LRRC4C: variants seen among roughly 807,000 people sequenced by gnomAD.
The protein encoded by LRRC4C is leucine rich repeat containing 4C.
Under a neutral mutation model 33.6 loss-of-function variants are expected in LRRC4C, and 5 were observed. The ratio of observed to expected loss-of-function variants is 0.15; its 90% CI spans 0.08 to 0.31. The LOEUF is 0.31. Among genes scored for constraint, LRRC4C ranks in the 10% least tolerant of loss-of-function variants. The probability of loss-of-function intolerance (pLI) is 1.00; values close to 1 mark genes in which losing one functional copy is unlikely to be tolerated. For synonymous variants in LRRC4C, 329 were observed against 302.0 expected (o/e 1.09, Z -0.93); for missense variants, 560 against 796.7 (o/e 0.70, Z 3.58).
chr11:40,881,062 A>C (rs769695753), intron 2 of LRRC4C, among the ~76,000 whole-genome samples: 5 of 151,942 alleles, frequency 3.3e-5, no homozygotes, highest in African/African-American at 1.2e-4. Flanking sequence ...AGTTACATAG[A>C]TTAAAAAAAA....
intron 3 of LRRC4C, among the ~76,000 whole-genome samples, chr11:40,504,325 C>T (rs1052253899): frequency 2.0e-5 from 3 of 152,142 alleles, no homozygotes; most frequent in African/African-American, 7.2e-5. Context: ...CAACAGAGAG[C>T]CACTGGAGGG....
intron 2 of LRRC4C, among the ~76,000 whole-genome samples, chr11:40,878,948 G>T (rs985836085): frequency 6.6e-6 from 1 of 152,144 alleles, no homozygotes; most frequent in Non-Finnish European, 1.5e-5. Context: ...CCCATGTCTG[G>T]CTGTGAGCCT....
At chr11:41,404,885 G>A (rs116437958) in intron 1 of LRRC4C, among the ~76,000 whole-genome samples, 4 of 151,936 alleles carry the variant, frequency 2.6e-5, no homozygotes, top group Non-Finnish European at 4.4e-5. Flanking sequence ...ATATGAGGAG[G>A]ACATTCTTAT....
chr11:40,919,412 C>T (rs1395722283), intron 2 of LRRC4C, among the ~76,000 whole-genome samples: 4 of 152,076 alleles, frequency 2.6e-5, no homozygotes, highest in Non-Finnish European at 5.9e-5. Flanking sequence ...TAACTCATAG[C>T]GTTATCTAAA....
At chr11:41,281,042 TTCTCTCTCTC>T (rs71063910) in intron 1 of LRRC4C, among the ~76,000 whole-genome samples, 1 of 76,194 alleles carries the variant, frequency 1.3e-5, no homozygotes, top group Non-Finnish European at 2.3e-5. Context: ...AATACATATT[TTCTCTCTCTC>T]TCTCTCTCTC....
At chr11:40,418,101 G>A (rs1474225195) in intron 3 of LRRC4C, among the ~76,000 whole-genome samples, 1 of 152,166 alleles carries the variant, frequency 6.6e-6, no homozygotes, top group African/African-American at 2.4e-5. Flanking sequence ...ACCAGTCCTT[G>A]TTGACACAGA....
In LRRC4C at chr11:40,175,342, C is replaced by A. The variant is rs566554826; in HGVS notation, c.-95-34489G>T. Reference sequence around the variant, plus strand: ...GTGAGCATTTGCTTTGCTGCCTTAACTCAACATCCAGGCTTCCCAGTGAAC... The same window carrying A: ...GTGAGCATTTGCTTTGCTGCCTTAAATCAACATCCAGGCTTCCCAGTGAAC... On this transcript the variant is annotated intron_variant, in intron 5 of 6. Coordinates refer to ENST00000528697, the MANE Select transcript of LRRC4C (RefSeq NM_001258419.2). Among the ~76,000 whole-genome samples, 7 of 152,348 alleles carry A rather than the reference C, an allele frequency of 4.6e-5. No homozygotes were observed. In the East Asian group the frequency reaches 1.4e-3, roughly 29 times the overall value.
chr11:41,272,320 C>T (rs1170543678), intron 1 of LRRC4C, among the ~76,000 whole-genome samples: 2 of 152,028 alleles, frequency 1.3e-5, no homozygotes, highest in Non-Finnish European at 2.9e-5. Context: ...TTGCTTTTCA[C>T]TTGGGTAAAT....
chr11:40,770,534 T>C (rs1787382467), intron 2 of LRRC4C, among the ~76,000 whole-genome samples: 1 of 152,190 alleles, frequency 6.6e-6, no homozygotes, highest in Admixed American at 6.5e-5. Context: ...AACACAATTA[T>C]ACCTTCCCAA....
At chr11:41,426,118 C>T (rs1193342356) in intron 1 of LRRC4C, 3 of 152,150 alleles carry the variant, frequency 2.0e-5, no homozygotes, top group Non-Finnish European at 4.4e-5. Context: ...TGGATGGTCC[C>T]TTCAGGACAG....
chr11:41,051,041 T>C (rs144774961), intron 1 of LRRC4C, among the ~76,000 whole-genome samples: 2 of 152,298 alleles, frequency 1.3e-5, no homozygotes, highest in African/African-American at 4.8e-5. Flanking sequence ...AGGGCTTCTA[T>C]CAGCTCAATG....
intron 1 of LRRC4C, among the ~76,000 whole-genome samples, chr11:41,384,489 C>T (rs1329421632): frequency 1.3e-5 from 2 of 151,562 alleles, no homozygotes; most frequent in African/African-American, 4.8e-5. Context: ...CTTATCTTGT[C>T]AAAACTGTTA....
At chr11:40,526,522 A>G (rs933191453) in intron 3 of LRRC4C, among the ~76,000 whole-genome samples, 2 of 152,156 alleles carry the variant, frequency 1.3e-5, no homozygotes, top group East Asian at 1.9e-4. Flanking sequence ...TTGAAACTCA[A>G]TGTGTTATTA....
chr11:40,166,719 T>C (rs1357966558), intron 5 of LRRC4C, among the ~76,000 whole-genome samples: 3 of 152,184 alleles, frequency 2.0e-5, no homozygotes, highest in Non-Finnish European at 2.9e-5. Context: ...TGTCAAACTC[T>C]GGGTAATGAC....
intron 2 of LRRC4C, among the ~76,000 whole-genome samples, chr11:40,755,969 A>G (rs1266991281): frequency 6.6e-6 from 1 of 152,064 alleles, no homozygotes; most frequent in Non-Finnish European, 1.5e-5. Context: ...GTTAAAATGA[A>G]GCCATTGTGG....
intron 3 of LRRC4C, among the ~76,000 whole-genome samples, chr11:40,635,536 G>A (rs1003782093): frequency 6.6e-6 from 1 of 150,816 alleles, no homozygotes; most frequent in South Asian, 2.1e-4. Context: ...AAAATGCAGT[G>A]ACAACTCAAG....
At chr11:40,509,423 C>T (rs1231101467) in intron 3 of LRRC4C, among the ~76,000 whole-genome samples, 1 of 151,976 alleles carries the variant, frequency 6.6e-6, no homozygotes, top group Non-Finnish European at 1.5e-5. Context: ...ATTTATTTTG[C>T]AATTGAAGAA....
At chr11:41,358,255 A>T (rs1952231560) in intron 1 of LRRC4C, among the ~76,000 whole-genome samples, 1 of 152,136 alleles carries the variant, frequency 6.6e-6, no homozygotes, top group African/African-American at 2.4e-5. Context: ...ACTAATCACA[A>T]TGGATCACAA....
At chr11:41,130,136 G>T (rs1204130463) in intron 1 of LRRC4C, among the ~76,000 whole-genome samples, 1 of 151,868 alleles carries the variant, frequency 6.6e-6, no homozygotes, top group Non-Finnish European at 1.5e-5. Context: ...CATTCCTCAT[G>T]TATTTCTCTC....
Sources: allele counts gnomAD v4.1 joint callset (sites outside exome capture counted in the v4.1 genomes callset), GRCh38; gene constraint gnomAD v4.1.1; transcripts MANE v1.5; gene names NCBI Gene and HGNC (gene_info 2026-07-23, HGNC 2026-07-21).